ERG: variants seen among roughly 807,000 people sequenced by gnomAD.
ERG encodes transcriptional regulator ERG.
Under a neutral mutation model 55.3 loss-of-function variants are expected in ERG, and 9 were observed. That is an observed-to-expected ratio of 0.16 (90% CI 0.10 to 0.28). The LOEUF (loss-of-function observed/expected upper bound fraction) is 0.28, where lower values mean the gene tolerates loss of function less well. ERG is among the 10% of genes least tolerant of loss of function. The pLI is 1.00. For synonymous variants in ERG, 223 were observed against 237.3 expected (o/e 0.94, Z 0.55); for missense variants, 434 against 631.6 (o/e 0.69, Z 3.35).
chr21:38,636,870 C>A (rs2060392547), intron 1 of ERG, among the ~76,000 whole-genome samples: 1 of 152,072 alleles, frequency 6.6e-6, no homozygotes, highest in African/African-American at 2.4e-5. Context: ...AATGTTTATT[C>A]AAAAATATTT....
intron 1 of ERG, among the ~76,000 whole-genome samples, chr21:38,470,523 G>A (rs1257479259): frequency 2.6e-5 from 4 of 152,032 alleles, no homozygotes; most frequent in Non-Finnish European, 5.9e-5. Context: ...TGTCATAATT[G>A]CATTTACCTT....
chr21:38,551,044 A>T (rs1351035757), intron 2 of ERG, among the ~76,000 whole-genome samples: 1 of 152,190 alleles, frequency 6.6e-6, no homozygotes, highest in Non-Finnish European at 1.5e-5. Flanking sequence ...GAGGAAAAAT[A>T]ACTATTTCTT....
At chr21:38,425,781 A>G (rs950700716) in intron 2 of ERG, among the ~76,000 whole-genome samples, 3 of 152,190 alleles carry the variant, frequency 2.0e-5, no homozygotes, top group Non-Finnish European at 4.4e-5. Flanking sequence ...TCAAAAAACT[A>G]TGGGCTTGGC....
Position 38,383,760 on chromosome 21 carries a change from G to A in ERG, c.1083C>T (p.Asn361=), listed in dbSNP as rs2146412434. The change falls in exon 10 of 10, where the codon AAC becomes AAT. Residue 361 remains asparagine, a synonymous_variant. Coordinates refer to ENST00000288319, the MANE Select transcript of ERG (RefSeq NM_182918.4). This position sits in a 1 kb window ranked among gnomAD's most constrained non-coding sequence, Gnocchi z 5.7. ...WGERKSKPNM[N]YDKLSRALRY... is the part of the protein sequence containing the mutation. ...GGAGGGCGCGGCTGAGCTTATCGTA[G>A]TTCATGTTGGGTTTGCTCTTCCGCT... The A allele has an allele frequency of 1.9e-6, 3 of 1,614,146 alleles. No individual in the cohort carries two copies. The highest frequency in any genetic ancestry group is 2.5e-6 in the Non-Finnish European group (3 of 1,180,026).
chr21:38,485,008 C>T (rs925731608), intron 1 of ERG, among the ~76,000 whole-genome samples: 13 of 140,058 alleles, frequency 9.3e-5, no homozygotes, highest in African/African-American at 3.1e-4. Context: ...TTTCTATTTC[C>T]AAAAAAAAAA....
At chr21:38,652,560 C>G (rs2060494437) in intron 1 of ERG, among the ~76,000 whole-genome samples, 1 of 152,214 alleles carries the variant, frequency 6.6e-6, no homozygotes. Flanking sequence ...AGGCAGGCCT[C>G]AGGGTCTCAC....
rs2146432104 is a variant in ERG at position 38,392,445 on chromosome 21, C to G, written c.746-1G>C. ...CTCCTGGGGGGCTCATATGGTAAAT[C>G]TGTAAAGACAAATAAATTGACTAAA... is the stretch of plus-strand genomic sequence containing the variant. On this transcript the variant is annotated splice_acceptor_variant, in intron 6 of 9. Transcript: ENST00000288319. LOFTEE classifies it high-confidence loss of function. 1 of 1,512,390 alleles carries G rather than the reference C, an allele frequency of 6.6e-7. No homozygotes were observed. Among genetic ancestry groups the G allele is most frequent in the Non-Finnish European group, 8.9e-7 (1 of 1,129,062 alleles). The allele number at this position is 1,512,390 out of a possible 1,614,324, so 93.7% of individuals were successfully genotyped here.
intron 1 of ERG, chr21:38,471,729 A>C (rs1445706019): frequency 6.6e-6 from 1 of 152,236 alleles, no homozygotes; most frequent in Non-Finnish European, 1.5e-5. Flanking sequence ...CATTAAGATC[A>C]AAAGTCTGAG....
Position 38,403,134 on chromosome 21 carries a change from C to A in ERG, c.592+372G>T, listed in dbSNP as rs141467143. On this transcript the variant is annotated intron_variant, in intron 4 of 9. Transcript: ENST00000288319. Reference sequence around the variant, plus strand: ...GGGAGAATAATCCCCCTAATTCCTACGAAAGAGAAGCCTTAATGATTCTAT... The same window carrying A: ...GGGAGAATAATCCCCCTAATTCCTAAGAAAGAGAAGCCTTAATGATTCTAT... Among the ~76,000 whole-genome samples the A allele has an allele frequency of 2.6e-3, 395 of 152,286 alleles. 2 individuals are homozygous for A. The highest frequency in any genetic ancestry group is 4.8e-3 in the Non-Finnish European group (324 of 68,024).
At chr21:38,632,623 C>T (rs972013087) in intron 1 of ERG, among the ~76,000 whole-genome samples, 3 of 152,344 alleles carry the variant, frequency 2.0e-5, no homozygotes, top group African/African-American at 7.2e-5. Context: ...CTCTCTCTCT[C>T]TCGCCTGCTG....
chr21:38,594,636 G>A (rs1173527920), intron 1 of ERG, among the ~76,000 whole-genome samples: 5 of 152,138 alleles, frequency 3.3e-5, no homozygotes, highest in Non-Finnish European at 7.3e-5. Flanking sequence ...AAGAAGAACT[G>A]GAATCATCTG....
chr21:38,543,571 T>G (rs1341076969), intron 2 of ERG, among the ~76,000 whole-genome samples: 1 of 152,006 alleles, frequency 6.6e-6, no homozygotes, highest in African/African-American at 2.4e-5. Context: ...GGCTGGGAAG[T>G]GAGGATGGAG....
At chr21:38,622,875 C>T (rs1487287633) in intron 1 of ERG, among the ~76,000 whole-genome samples, 1 of 150,160 alleles carries the variant, frequency 6.7e-6, no homozygotes, top group Non-Finnish European at 1.5e-5. Context: ...ACACATACTA[C>T]ATGATCATAT....
At chr21:38,402,336 C>T (rs181977108) in intron 5 of ERG, among the ~76,000 whole-genome samples, 2 of 152,062 alleles carry the variant, frequency 1.3e-5, no homozygotes, top group African/African-American at 4.8e-5. Context: ...AAAAAGGAAC[C>T]CTTTGATAAT....
chr21:38,645,789 C>T (rs1170080842), intron 1 of ERG, among the ~76,000 whole-genome samples: 1 of 152,186 alleles, frequency 6.6e-6, no homozygotes, highest in Non-Finnish European at 1.5e-5. Flanking sequence ...ATTCCAAATA[C>T]AGGCCCAGAA....
At chr21:38,582,827 A>G (rs2060038508) in intron 1 of ERG, among the ~76,000 whole-genome samples, 1 of 151,916 alleles carries the variant, frequency 6.6e-6, no homozygotes, top group Admixed American at 6.6e-5. Flanking sequence ...GCTCACTGCA[A>G]CCTCCACCTC....
downstream of ERG, among the ~76,000 whole-genome samples, chr21:38,377,713 G>A (rs1009231264): frequency 5.9e-5 from 9 of 152,146 alleles, no homozygotes; most frequent in African/African-American, 2.2e-4. Context: ...AACCTCATGA[G>A]TGCAAATGGA....
chr21:38,551,011 T>C (rs981956223), intron 2 of ERG, among the ~76,000 whole-genome samples: 15 of 152,246 alleles, frequency 9.9e-5, no homozygotes, highest in Admixed American at 4.6e-4. Flanking sequence ...AGTTATTCAA[T>C]AGCAACAGAA....
chr21:38,653,071 A>T (rs945807626), intron 1 of ERG, among the ~76,000 whole-genome samples: 1 of 152,078 alleles, frequency 6.6e-6, no homozygotes, highest in Non-Finnish European at 1.5e-5. Flanking sequence ...AGATTCCACG[A>T]TGTGAATGTT....
Sources: allele counts gnomAD v4.1 joint callset (sites outside exome capture counted in the v4.1 genomes callset), GRCh38; gene constraint gnomAD v4.1.1; non-coding constraint Gnocchi (gnomAD v3.1); transcripts MANE v1.5; gene names NCBI Gene and HGNC (gene_info 2026-07-23, HGNC 2026-07-21).